C12orf42: variants seen among roughly 807,000 people sequenced by gnomAD.
C12orf42 encodes uncharacterized protein C12orf42.
A neutral mutation model predicts 21.6 loss-of-function variants in C12orf42; 25 were observed. The observed-to-expected ratio is 1.16, with a 90% CI of 0.84 to 1.62. The LOEUF (loss-of-function observed/expected upper bound fraction) is 1.62. Ranked by LOEUF, C12orf42 falls within the 40% of genes most tolerant of loss-of-function variation. The pLI is 0.00. For synonymous variants in C12orf42, 174 were observed against 175.0 expected (o/e 0.99, Z 0.05); for missense variants, 483 against 459.3 (o/e 1.05, Z -0.47).
intron 3 of C12orf42, among the ~76,000 whole-genome samples, chr12:103,371,166 A>G (rs942190218): frequency 6.6e-6 from 1 of 152,146 alleles, no homozygotes; most frequent in Non-Finnish European, 1.5e-5. Flanking sequence ...CTGAAAGGGT[A>G]AGGTTTTCAT....
At chr12:103,500,764 TA>T (rs1478888514), upstream of C12orf42, among the ~76,000 whole-genome samples, 1 of 152,240 alleles carries the variant, frequency 6.6e-6, no homozygotes, top group Non-Finnish European at 1.5e-5. Flanking sequence ...CATGGATTTC[TA>T]AGGATGTCAC....
intron 1 of C12orf42, among the ~76,000 whole-genome samples, chr12:103,486,891 T>A (rs988537072): frequency 6.6e-6 from 1 of 152,222 alleles, no homozygotes; most frequent in South Asian, 2.1e-4. Flanking sequence ...ATTTTATTGA[T>A]CTTTTCAAAA....
rs193191424 is a variant in C12orf42 at position 103,310,502 on chromosome 12, T to C, written c.260-4157A>G. 2.1e-3 allele frequency among the ~76,000 whole-genome samples: 317 copies of C among 152,364 alleles called. 3 individuals carry two copies. Among genetic ancestry groups the C allele is most frequent in the Non-Finnish European group, 3.2e-3 (218 of 68,038 alleles). Reference sequence around the variant, plus strand: ...TTGGTAACATTTTGGATTTTTTTAATGTAGTGTAAGATACACAAAACACAA... The same window carrying C: ...TTGGTAACATTTTGGATTTTTTTAACGTAGTGTAAGATACACAAAACACAA... On this transcript the variant is annotated intron_variant, in intron 4 of 5. Coordinates refer to ENST00000548883, the MANE Select transcript of C12orf42 (RefSeq NM_198521.5).
At chr12:103,185,180 T>C in the C12orf42 span, among the ~76,000 whole-genome samples, 2 of 152,102 alleles carry the variant, frequency 1.3e-5, no homozygotes, top group African/African-American at 4.8e-5. Context: ...ATTGTAGACA[T>C]TTAGGATTTA....
chr12:103,509,237 A>T, the C12orf42 span, among the ~76,000 whole-genome samples: 701 of 152,316 alleles, frequency 4.6e-3, 3 homozygotes, highest in African/African-American at 0.016. Context: ...ACCTAACCTT[A>T]TGCTTCAATG....
chr12:103,115,016 A>C, the C12orf42 span, among the ~76,000 whole-genome samples: 37 of 152,254 alleles, frequency 2.4e-4, no homozygotes, highest in Non-Finnish European at 1.5e-4. Context: ...CCAATTGTAC[A>C]CTGAACTTCA....
At chr12:103,465,913 A>G (rs1427208425) in intron 2 of C12orf42, among the ~76,000 whole-genome samples, 2 of 152,168 alleles carry the variant, frequency 1.3e-5, no homozygotes, top group East Asian at 1.9e-4. Context: ...TGATTTGTGC[A>G]TGTTGAACCA....
chr12:103,095,573 T>C, the C12orf42 span, among the ~76,000 whole-genome samples: 1 of 152,204 alleles, frequency 6.6e-6, no homozygotes, highest in African/African-American at 2.4e-5. Flanking sequence ...GCATTGACCT[T>C]ACCCTTCATT....
At chr12:103,184,808 A>G in the C12orf42 span, among the ~76,000 whole-genome samples, 1 of 150,628 alleles carries the variant, frequency 6.6e-6, no homozygotes, top group Non-Finnish European at 1.5e-5. Context: ...GGTAACTAAG[A>G]AAAAATGAGG....
chr12:103,346,027 C>T (rs2042592724), intron 4 of C12orf42, among the ~76,000 whole-genome samples: 1 of 152,126 alleles, frequency 6.6e-6, no homozygotes, highest in Admixed American at 6.5e-5. Flanking sequence ...GACCATACTT[C>T]CTGAAATGAA....
At chr12:103,465,921 C>T (rs962246117) in intron 2 of C12orf42, among the ~76,000 whole-genome samples, 1 of 152,156 alleles carries the variant, frequency 6.6e-6, no homozygotes, top group South Asian at 2.1e-4. Context: ...GCATGTTGAA[C>T]CAGCCTTGCA....
Position 103,296,161 on chromosome 12 carries a change from G to A in C12orf42, n.338-18951C>T, listed in dbSNP as rs187357900. Among the ~76,000 whole-genome samples the A allele has an allele frequency of 9.7e-4, 147 of 151,900 alleles. 1 individual carries two copies. The East Asian group carries it at 0.023, about 24-fold the overall frequency. ...AGTTTGCTGAGAATGATGGTTTCCAGCTTCATCCATGTCCCTACAAAGGAC... is the reference window on the plus strand; with the variant it reads ...AGTTTGCTGAGAATGATGGTTTCCAACTTCATCCATGTCCCTACAAAGGAC... On this transcript the variant is annotated intron_variant and non_coding_transcript_variant, in intron 4 of 6. Coordinates refer to the C12orf42 transcript ENST00000546526.
chr12:103,106,883 G>A, the C12orf42 span, among the ~76,000 whole-genome samples: 1 of 151,896 alleles, frequency 6.6e-6, no homozygotes, highest in Non-Finnish European at 1.5e-5. Flanking sequence ...TGCTTAGACT[G>A]TTTCTAAGAG....
At chr12:103,183,650 A>G in the C12orf42 span, among the ~76,000 whole-genome samples, 5 of 152,016 alleles carry the variant, frequency 3.3e-5, no homozygotes. Context: ...TGAAACAGGA[A>G]CTAAGATTAT....
chr12:103,253,919 G>A (rs902319077), intron 10 of C12orf42, among the ~76,000 whole-genome samples: 6 of 151,578 alleles, frequency 4.0e-5, no homozygotes, highest in Non-Finnish European at 7.4e-5. Flanking sequence ...TCTCCCACTC[G>A]GTAGGTTGTC....
chr12:103,553,433 AAC>A, the C12orf42 span, among the ~76,000 whole-genome samples: 1 of 152,168 alleles, frequency 6.6e-6, no homozygotes, highest in African/African-American at 2.4e-5. Flanking sequence ...TTCTCTGAGC[AAC>A]ACAGTCTACA....
intron 4 of C12orf42, among the ~76,000 whole-genome samples, chr12:103,281,456 G>A (rs1274057063): frequency 2.0e-5 from 3 of 152,116 alleles, no homozygotes; most frequent in Admixed American, 1.3e-4. Flanking sequence ...TCCACCTCCT[G>A]GGTTCATGCC....
the C12orf42 span, among the ~76,000 whole-genome samples, chr12:103,542,264 C>CATATAT: frequency 2.6e-5 from 4 of 152,294 alleles, no homozygotes; most frequent in East Asian, 7.7e-4. Context: ...TTATTCATTA[C>CATATAT]ATAGTATGAA....
chr12:103,234,926 T>C (rs1422216535), downstream of C12orf42, among the ~76,000 whole-genome samples: 2 of 152,210 alleles, frequency 1.3e-5, no homozygotes, highest in Admixed American at 1.3e-4. Context: ...TTAATCTTGT[T>C]CATTTTTGTA....
Sources: allele counts gnomAD v4.1 joint callset (sites outside exome capture counted in the v4.1 genomes callset), GRCh38; gene constraint gnomAD v4.1.1; transcripts MANE v1.5; gene names NCBI Gene and HGNC (gene_info 2026-07-23, HGNC 2026-07-21).